The following ATRNL1 variants were observed in gnomAD, a reference collection of about 807,000 sequenced individuals.
ATRNL1 encodes the protein attractin-like protein 1.
Under a neutral mutation model 182.7 loss-of-function variants are expected in ATRNL1, and 95 were observed. That is an observed-to-expected ratio of 0.52 (90% CI 0.44 to 0.62). The LOEUF (loss-of-function observed/expected upper bound fraction) is 0.62. Ranked by LOEUF, ATRNL1 falls within the 20% of genes least tolerant of loss-of-function variation. ATRNL1 has a pLI of 0.00. For synonymous variants in ATRNL1, 576 were observed against 568.3 expected (o/e 1.01, Z -0.19); for missense variants, 1,471 against 1,679.5 (o/e 0.88, Z 2.17).
chr10:115,856,449 A>AAAAAAAAAAAAAAAAAAAAAAAAC (rs1565439910), intron 28 of ATRNL1, among the ~76,000 whole-genome samples: 4 of 147,860 alleles, frequency 2.7e-5, no homozygotes, highest in South Asian at 2.2e-4. Flanking sequence ...AAAAAAAAAA[A>AAAAAAAAAAAAAAAAAAAAAAAAC]AGCCATACAT....
intron 9 of ATRNL1, among the ~76,000 whole-genome samples, chr10:115,228,078 A>G (rs1849769258): frequency 6.6e-6 from 1 of 152,152 alleles, no homozygotes; most frequent in Non-Finnish European, 1.5e-5. Flanking sequence ...AAAAAAATAG[A>G]AATCTGAGTT....
intron 3 of ATRNL1, among the ~76,000 whole-genome samples, chr10:115,124,073 A>G (rs182082294): frequency 6.6e-6 from 1 of 152,078 alleles, no homozygotes; most frequent in Non-Finnish European, 1.5e-5. Context: ...TAATAAATGT[A>G]ATATGCTTGA....
At chr10:115,579,460 C>A (rs1334537847) in intron 26 of ATRNL1, among the ~76,000 whole-genome samples, 3 of 151,778 alleles carry the variant, frequency 2.0e-5, no homozygotes, top group Non-Finnish European at 4.4e-5. Context: ...TATTGACTTT[C>A]TGTGATTATC....
chr10:115,351,670 A>T (rs1554941373), intron 19 of ATRNL1, among the ~76,000 whole-genome samples: 1 of 151,978 alleles, frequency 6.6e-6, no homozygotes, highest in East Asian at 1.9e-4. Context: ...TGTTGAAATC[A>T]GTTTGCTGAA....
chr10:115,887,160 C>T (rs1162527734), intron 28 of ATRNL1, among the ~76,000 whole-genome samples: 1 of 152,150 alleles, frequency 6.6e-6, no homozygotes, highest in African/African-American at 2.4e-5. Context: ...GATACGATTG[C>T]ATATTCAAGT....
intron 21 of ATRNL1, among the ~76,000 whole-genome samples, chr10:115,426,783 G>A (rs1845920984): frequency 6.6e-6 from 1 of 152,080 alleles, no homozygotes; most frequent in African/African-American, 2.4e-5. Flanking sequence ...GGAGTGCAAC[G>A]GCACAATCTC....
intron 8 of ATRNL1, among the ~76,000 whole-genome samples, chr10:115,214,863 ATATCGGAAAT>A (rs1849168781): frequency 6.6e-6 from 1 of 152,148 alleles, no homozygotes; most frequent in Non-Finnish European, 1.5e-5. Flanking sequence ...TGGGATTTTA[ATATCGGAAAT>A]TAGTTACAAA....
intron 26 of ATRNL1, among the ~76,000 whole-genome samples, chr10:115,557,325 G>A (rs1853370782): frequency 6.6e-6 from 1 of 152,140 alleles, no homozygotes. Context: ...GATGGCATTT[G>A]AAACCCTGAG....
At chr10:115,419,187 G>A (rs931300193) in intron 20 of ATRNL1, among the ~76,000 whole-genome samples, 7 of 151,984 alleles carry the variant, frequency 4.6e-5, no homozygotes, top group East Asian at 1.9e-4. Flanking sequence ...TTTCCTTTGC[G>A]ATCAAAATTA....
At chr10:115,819,498 G>A (rs968960520) in intron 27 of ATRNL1, among the ~76,000 whole-genome samples, 1 of 151,998 alleles carries the variant, frequency 6.6e-6, no homozygotes, top group Non-Finnish European at 1.5e-5. Context: ...CTTCCTCACC[G>A]CTAGCATGAG....
chr10:115,926,077 T>A (rs1953222513), intron 28 of ATRNL1, among the ~76,000 whole-genome samples: 1 of 152,134 alleles, frequency 6.6e-6, no homozygotes, highest in Non-Finnish European at 1.5e-5. Flanking sequence ...CATAGTGCAA[T>A]CAAATTAGAA....
rs1946149773 is a variant in ATRNL1 at position 115,684,353 on chromosome 10, CTG to C, written c.3796-42889_3796-42888del. ...GAAGTATAGCAAGAAATATTTTTCT[CTG>C]TGTGTCTAATGATCCACTGTGTTGC... is the stretch of plus-strand genomic sequence containing the variant. On this transcript the variant is annotated intron_variant, in intron 26 of 28. Coordinates refer to ENST00000355044, the MANE Select transcript of ATRNL1 (RefSeq NM_207303.4). Among the ~76,000 whole-genome samples, 6 of 150,946 alleles carry C rather than the reference CTG, an allele frequency of 4.0e-5. No individual in the cohort carries two copies. In the South Asian group the frequency reaches 1.2e-3, roughly 31 times the overall value.
At chr10:115,322,005 CCATT>C (rs782487872) in intron 18 of ATRNL1, among the ~76,000 whole-genome samples, 97 of 151,928 alleles carry the variant, frequency 6.4e-4, no homozygotes, top group Admixed American at 1.0e-3. Flanking sequence ...GAAGGTAATA[CCATT>C]TACAGTAGCT....
rs548617474 is a variant in ATRNL1, at chr10:115,598,349, A to G, written c.3795+48813A>G. Among the ~76,000 whole-genome samples, 8 of 140,564 alleles carry G rather than the reference A, an allele frequency of 5.7e-5. No individual in the cohort carries two copies. In the East Asian group the frequency reaches 1.9e-3, roughly 33 times the overall value. The allele number at this position is 140,564 out of a possible 152,430, so 92.2% of individuals were successfully genotyped here. On this transcript the variant is annotated intron_variant, in intron 26 of 28. Transcript: ENST00000355044. ...ACATTTTACATTATTTATTTAAAAA[A>G]ATTATTTATTTATTTATTTATTTAT...
intron 10 of ATRNL1, among the ~76,000 whole-genome samples, chr10:115,255,580 C>T (rs1834808594): frequency 1.3e-5 from 2 of 152,176 alleles, no homozygotes; most frequent in Non-Finnish European, 2.9e-5. Context: ...ATGTCATCTG[C>T]AAACAGGGAC....
chr10:115,819,330 T>C lies in ATRNL1; in HGVS notation c.3904-28547T>C, dbSNP rs575576835. Among the ~76,000 whole-genome samples, 24 of 152,290 alleles carry C rather than the reference T, an allele frequency of 1.6e-4. No homozygotes were observed. In the South Asian group the frequency reaches 3.9e-3, roughly 25 times the overall value. On this transcript the variant is annotated intron_variant, in intron 27 of 28. Coordinates refer to ENST00000355044, the MANE Select transcript of ATRNL1 (RefSeq NM_207303.4). ...GTTTCCCCCCTCCAGTAATACTTGA[T>C]TTCTTGGTTAATTGCATTACTATCT...
chr10:115,533,388 G>A (rs7904611), intron 25 of ATRNL1, among the ~76,000 whole-genome samples: 11,351 of 151,014 alleles, frequency 0.075, 1,334 homozygotes, highest in African/African-American at 0.26. Context: ...GTTTATTTGC[G>A]TAGAGGTGTT....
At chr10:115,279,893 C>T (rs1852280066) in intron 13 of ATRNL1, among the ~76,000 whole-genome samples, 1 of 152,056 alleles carries the variant, frequency 6.6e-6, no homozygotes, top group Admixed American at 6.5e-5. Flanking sequence ...TTGTTAAATC[C>T]TATACAGATA....
chr10:115,910,647 A>G (rs2134521292), intron 28 of ATRNL1, among the ~76,000 whole-genome samples: 1 of 152,210 alleles, frequency 6.6e-6, no homozygotes, highest in Admixed American at 6.5e-5. Context: ...GTAGAACAGA[A>G]TTTTCCTACA....
Sources: allele counts gnomAD v4.1 joint callset (sites outside exome capture counted in the v4.1 genomes callset), GRCh38; gene constraint gnomAD v4.1.1; transcripts MANE v1.5; gene names NCBI Gene and HGNC (gene_info 2026-07-23, HGNC 2026-07-21).